The following NEBL variants were observed in gnomAD, a reference collection of about 807,000 sequenced individuals.
The protein encoded by NEBL is LIM and SH3 protein 2.
A neutral mutation model predicts 140.2 loss-of-function variants in NEBL; 122 were observed. That is an observed-to-expected ratio of 0.87 (90% CI 0.75 to 1.01). The LOEUF is 1.01. Ranked by LOEUF, NEBL falls within the 50% of genes least tolerant of loss-of-function variation. NEBL has a pLI of 0.00. For missense variants in NEBL, 1,365 were observed against 1,231.3 expected, an observed-to-expected ratio of 1.11 and a Z score of -1.62; for synonymous variants, 436 against 398.9, an observed-to-expected ratio of 1.09 and a Z score of -1.11.
chr10:21,094,826 C>A (rs905757227), intron 2 of NEBL, among the ~76,000 whole-genome samples: 1 of 152,068 alleles, frequency 6.6e-6, no homozygotes, highest in African/African-American at 2.4e-5. Flanking sequence ...TTAATTTCAC[C>A]GAACCAGATT....
intron 3 of NEBL, among the ~76,000 whole-genome samples, chr10:21,241,990 C>T (rs1842445874): frequency 6.6e-6 from 1 of 151,178 alleles, no homozygotes. Flanking sequence ...TCTCTTGAGC[C>T]CAGGAGTTCA....
chr10:21,206,259 C>T (rs891598491), intron 3 of NEBL, among the ~76,000 whole-genome samples: 2 of 152,148 alleles, frequency 1.3e-5, no homozygotes, highest in Admixed American at 1.3e-4. Flanking sequence ...GGAGCTCTGG[C>T]AGAAGAATTA....
At chr10:21,280,620 T>TC (rs34010575) in intron 1 of NEBL, among the ~76,000 whole-genome samples, 1 of 5,060 alleles carries the variant, frequency 2.0e-4, no homozygotes, top group African/African-American at 2.0e-3. Context: ...TTCTTTTTCC[T>TC]TTTTTTTTTT....
chr10:21,266,453 C>A (rs367806199), intron 1 of NEBL, among the ~76,000 whole-genome samples: 1 of 152,120 alleles, frequency 6.6e-6, no homozygotes. Flanking sequence ...TCATTACTCA[C>A]GGTAGTTAAC....
chr10:20,893,845 T>A (rs1162135273), intron 2 of NEBL, among the ~76,000 whole-genome samples: 1 of 152,152 alleles, frequency 6.6e-6, no homozygotes, highest in Non-Finnish European at 1.5e-5. Context: ...AACTATTATT[T>A]AAAGATGATG....
chr10:20,922,387 C>A (rs190242654), intron 4 of NEBL, among the ~76,000 whole-genome samples: 84 of 152,288 alleles, frequency 5.5e-4, no homozygotes, highest in Non-Finnish European at 1.1e-3. Flanking sequence ...TCCATTTATC[C>A]GGGATGTGTA....
intron 2 of NEBL, among the ~76,000 whole-genome samples, chr10:21,085,995 T>A (rs936482414): frequency 6.6e-6 from 1 of 152,172 alleles, no homozygotes; most frequent in Admixed American, 6.5e-5. Flanking sequence ...GTACTTTTCC[T>A]TGTCTTCACA....
chr10:21,128,744 C>T (rs933006486), intron 2 of NEBL, among the ~76,000 whole-genome samples: 2 of 152,108 alleles, frequency 1.3e-5, no homozygotes, highest in African/African-American at 4.8e-5. Flanking sequence ...ATTGTTAAAA[C>T]ACATTTTTTA....
chr10:21,050,262 T>C (rs537949541), intron 2 of NEBL, among the ~76,000 whole-genome samples: 34 of 152,380 alleles, frequency 2.2e-4, no homozygotes, highest in African/African-American at 7.7e-4. Context: ...ACGGAAACTA[T>C]CTGATTTCTG....
In NEBL at chr10:20,781,997, T is replaced by G. The variant is rs1835065417; in HGVS notation, c.*3750A>C. 1 of 152,574 alleles carries G rather than the reference T, an allele frequency of 6.6e-6. No individual in the cohort carries two copies. Among genetic ancestry groups the G allele is most frequent in the African/African-American group, 2.4e-5 (1 of 41,434 alleles). 9.5% of individuals were successfully genotyped at this position (152,574 alleles called of 1,614,324 possible). On this transcript the variant is annotated 3_prime_UTR_variant, in exon 28 of 28. Coordinates refer to ENST00000377122, the MANE Select transcript of NEBL (RefSeq NM_006393.3). ...AATCCAGCCTCACAATTATTCTATC[T>G]TACAATAGGCATTTTAAATCCCAAA...
intron 2 of NEBL, among the ~76,000 whole-genome samples, chr10:21,080,848 T>TTTTG (rs1394302592): frequency 6.6e-6 from 1 of 152,094 alleles, no homozygotes; most frequent in East Asian, 1.9e-4. Flanking sequence ...GATCTGGTTT[T>TTTTG]TTTGTTTGTT....
chr10:20,936,399 G>T (rs933016146), intron 4 of NEBL, among the ~76,000 whole-genome samples: 1 of 152,160 alleles, frequency 6.6e-6, no homozygotes, highest in East Asian at 1.9e-4. Flanking sequence ...TGCCTAACAG[G>T]CTATTGCAAA....
chr10:21,163,396 T>C (rs533463927), intron 2 of NEBL, among the ~76,000 whole-genome samples: 1 of 152,302 alleles, frequency 6.6e-6, no homozygotes, highest in African/African-American at 2.4e-5. Context: ...CAAAAATACA[T>C]CTACTTATAG....
intron 2 of NEBL, among the ~76,000 whole-genome samples, chr10:21,133,279 G>T (rs1589267754): frequency 6.6e-6 from 1 of 152,276 alleles, no homozygotes; most frequent in South Asian, 2.1e-4. Flanking sequence ...AAAAGGAGAT[G>T]ATGTTTTTAA....
At chr10:20,813,007 A>G in intron 23 of NEBL, 67 bp from the exon 24 acceptor site, 1 of 1,357,754 alleles carries the variant, frequency 7.4e-7, no homozygotes, top group Non-Finnish European at 1.0e-6. Context: ...ATTTTTATTA[A>G]ATGACAGGTG....
At chr10:21,036,822 T>G (rs958098815) in intron 2 of NEBL, among the ~76,000 whole-genome samples, 3 of 152,088 alleles carry the variant, frequency 2.0e-5, no homozygotes, top group African/African-American at 7.2e-5. Flanking sequence ...ATGAGGAATA[T>G]TAGGCCTGGA....
upstream of NEBL, among the ~76,000 whole-genome samples, chr10:21,175,354 A>C (rs1315433371): frequency 6.6e-6 from 1 of 152,256 alleles, no homozygotes; most frequent in Non-Finnish European, 1.5e-5. Context: ...GGCCTGGCTC[A>C]AGGGAAGCTC....
Position 20,889,875 on chromosome 10 carries a change from A to G in NEBL, c.228T>C (p.His76=), listed in dbSNP as rs1057523090. The G allele has an allele frequency of 1.6e-5, 26 of 1,612,796 alleles. No individual in the cohort carries two copies. Among genetic ancestry groups the G allele is most frequent in the Non-Finnish European group, 2.1e-5 (25 of 1,179,014 alleles). Residue 76 remains histidine (H), a synonymous_variant, in exon 3 of 28, where the codon CAT becomes CAC. Coordinates refer to ENST00000377122, the MANE Select transcript of NEBL (RefSeq NM_006393.3). The part of the protein sequence containing the change: ...TFVTDSPMLN[H]VKNIGAFISE... ...AAATAAAAGCACCGATATTTTTTACATGGTTTAGCATAGGACTGTCAGTCA... is the reference window on the plus strand; with the variant it reads ...AAATAAAAGCACCGATATTTTTTACGTGGTTTAGCATAGGACTGTCAGTCA...
chr10:20,881,702 C>CA (rs1846027552), intron 4 of NEBL, among the ~76,000 whole-genome samples: 1 of 152,156 alleles, frequency 6.6e-6, no homozygotes, highest in African/African-American at 2.4e-5. Flanking sequence ...GTCGTGTTCA[C>CA]TGAATCCTCA....
Sources: allele counts gnomAD v4.1 joint callset (sites outside exome capture counted in the v4.1 genomes callset), GRCh38; gene constraint gnomAD v4.1.1; transcripts MANE v1.5; gene names NCBI Gene and HGNC (gene_info 2026-07-23, HGNC 2026-07-21).